Variants in MAP3K5 observed in about 807,000 individuals in gnomAD.
The protein encoded by MAP3K5 is mitogen-activated protein kinase kinase kinase 5.
In MAP3K5, 56 loss-of-function variants were observed where a neutral mutation model predicts 158.7. The ratio of observed to expected loss-of-function variants is 0.35; its 90% confidence interval spans 0.28 to 0.44. The LOEUF is 0.44. MAP3K5 is among the 20% of genes least tolerant of loss of function. The pLI is 1.00. For missense variants in MAP3K5, 1,294 were observed against 1,674.8 expected (o/e 0.77, Z 3.97); for synonymous variants, 579 against 601.7 (o/e 0.96, Z 0.55).
At chr6:136,621,111 T>C (rs953539555) in intron 15 of MAP3K5, among the ~76,000 whole-genome samples, 5 of 151,862 alleles carry the variant, frequency 3.3e-5, no homozygotes, top group African/African-American at 4.9e-5. Flanking sequence ...TTGGATATTG[T>C]CCCAGTTTTT....
chr6:136,610,738 T>C (rs1776299547), intron 18 of MAP3K5, among the ~76,000 whole-genome samples: 1 of 149,196 alleles, frequency 6.7e-6, no homozygotes, highest in African/African-American at 2.5e-5. Flanking sequence ...GGAGACTAAC[T>C]AAGCAAGTCA....
chr6:136,579,667 T>C (rs937198460), intron 25 of MAP3K5, among the ~76,000 whole-genome samples: 4 of 152,226 alleles, frequency 2.6e-5, no homozygotes, highest in African/African-American at 7.2e-5. Context: ...GATTCACTGA[T>C]TGTAACCAAT....
At chr6:136,704,231 A>G (rs1780974317) in intron 3 of MAP3K5, among the ~76,000 whole-genome samples, 1 of 152,164 alleles carries the variant, frequency 6.6e-6, no homozygotes, top group African/African-American at 2.4e-5. Context: ...TAATTATACT[A>G]TATTGAGCTA....
At chr6:136,608,918 C>T (rs537716125) in intron 18 of MAP3K5, among the ~76,000 whole-genome samples, 1 of 152,330 alleles carries the variant, frequency 6.6e-6, no homozygotes, top group African/African-American at 2.4e-5. Flanking sequence ...CCACCTGGGA[C>T]TTAGTGACCA....
intron 25 of MAP3K5, among the ~76,000 whole-genome samples, chr6:136,578,881 T>C (rs1774738420): frequency 6.6e-6 from 1 of 151,718 alleles, no homozygotes; most frequent in African/African-American, 2.4e-5. Flanking sequence ...AATTTAAAAA[T>C]ATTTCAGGGC....
At chr6:136,683,049 G>A (rs1400672902) in intron 7 of MAP3K5, among the ~76,000 whole-genome samples, 1 of 152,106 alleles carries the variant, frequency 6.6e-6, no homozygotes, top group Non-Finnish European at 1.5e-5. Flanking sequence ...AATGGCGGGG[G>A]AGCAGAAAAA....
intron 7 of MAP3K5, among the ~76,000 whole-genome samples, chr6:136,678,017 G>T (rs1196540011): frequency 1.2e-4 from 18 of 152,206 alleles, no homozygotes; most frequent in Admixed American, 1.2e-3. Context: ...TATGCAGTGT[G>T]GAAGTGGTCA....
At chr6:136,621,116 GT>G (rs796594466) in intron 15 of MAP3K5, among the ~76,000 whole-genome samples, 65 of 148,372 alleles carry the variant, frequency 4.4e-4, no homozygotes, top group African/African-American at 1.0e-3. Flanking sequence ...TATTGTCCCA[GT>G]TTTTTTTTTC....
At chr6:136,559,715 A>G (rs945182459) in intron 28 of MAP3K5, among the ~76,000 whole-genome samples, 2 of 152,246 alleles carry the variant, frequency 1.3e-5, no homozygotes, top group Admixed American at 6.5e-5. Context: ...ATTTTTTTAT[A>G]TATAGAGACA....
intron 10 of MAP3K5, among the ~76,000 whole-genome samples, chr6:136,653,722 C>T (rs1228997551): frequency 2.6e-5 from 4 of 152,166 alleles, no homozygotes; most frequent in African/African-American, 9.7e-5. Flanking sequence ...AACGCTTTAT[C>T]ATACATGTAA....
rs138593152 is a variant in MAP3K5 at position 136,676,837 on chromosome 6, G to A, written c.1254-7442C>T. 9.1e-3 allele frequency among the ~76,000 whole-genome samples: 1,341 copies of A among 146,906 alleles called. 18 individuals are homozygous for A. Among genetic ancestry groups the A allele is most frequent in the African/African-American group, 0.033 (1,293 of 39,210 alleles). On this transcript the variant is annotated intron_variant, in intron 7 of 29. Transcript: ENST00000359015. ...GACAGAGTCTCACTCTGTCATCCAG[G>A]CTGGAGTTCAGTGGTGCGATCTCAG...
intron 1 of MAP3K5, among the ~76,000 whole-genome samples, chr6:136,778,626 G>A (rs950701578): frequency 3.3e-5 from 5 of 152,194 alleles, no homozygotes; most frequent in African/African-American, 4.8e-5. Flanking sequence ...CTGTAATCAT[G>A]ATAGTAATAG....
At chr6:136,703,166 G>T (rs920764731) in intron 3 of MAP3K5, among the ~76,000 whole-genome samples, 2 of 152,238 alleles carry the variant, frequency 1.3e-5, no homozygotes, top group Admixed American at 1.3e-4. Context: ...AGAGATGCTC[G>T]AAATATTCAA....
intron 1 of MAP3K5, among the ~76,000 whole-genome samples, chr6:136,779,236 C>A (rs1174410238): frequency 2.6e-5 from 4 of 151,732 alleles, no homozygotes; most frequent in African/African-American, 9.7e-5. Context: ...ATAGAGTGAG[C>A]CTGTCTCAAA....
intron 1 of MAP3K5, among the ~76,000 whole-genome samples, chr6:136,785,758 C>T (rs1355854136): frequency 6.6e-6 from 1 of 152,204 alleles, no homozygotes; most frequent in African/African-American, 2.4e-5. Context: ...GTTGATGCTT[C>T]TCCTACATCT....
intron 1 of MAP3K5, among the ~76,000 whole-genome samples, chr6:136,730,216 C>G (rs1322534343): frequency 6.8e-6 from 1 of 147,670 alleles, no homozygotes; most frequent in Non-Finnish European, 1.5e-5. Flanking sequence ...CCAAGCTGGT[C>G]TCAAACTCCT....
intron 1 of MAP3K5, among the ~76,000 whole-genome samples, chr6:136,757,579 A>ATTTATTTTTTTTTTTTTTTTTTT (rs1562679137): frequency 1.8e-5 from 2 of 111,972 alleles, no homozygotes; most frequent in Non-Finnish European, 2.0e-5. Flanking sequence ...TTATTTATTT[A>ATTTATTTTTTTTTTTTTTTTTTT]TTTTTTATTT....
intron 7 of MAP3K5, among the ~76,000 whole-genome samples, chr6:136,674,539 CA>C (rs1382801888): frequency 6.6e-6 from 1 of 151,648 alleles, no homozygotes; most frequent in South Asian, 2.1e-4. Context: ...ACTAAAAGAA[CA>C]AAAAACATGT....
chr6:136,690,851 A>G (rs1780353473), intron 7 of MAP3K5, among the ~76,000 whole-genome samples: 1 of 152,132 alleles, frequency 6.6e-6, no homozygotes. Context: ...CTTCAGCCTA[A>G]AGACTTTAAC....
Sources: allele counts gnomAD v4.1 joint callset (sites outside exome capture counted in the v4.1 genomes callset), GRCh38; gene constraint gnomAD v4.1.1; transcripts MANE v1.5; gene names NCBI Gene and HGNC (gene_info 2026-07-23, HGNC 2026-07-21).